FHIT: variants seen among roughly 807,000 people sequenced by gnomAD.
FHIT encodes the protein fragile histidine triad diadenosine triphosphatase.
FHIT carries 19 observed loss-of-function variants against 17.9 expected under a neutral mutation model. The observed-to-expected ratio is 1.06, with a 90% CI of 0.74 to 1.56. The LOEUF (loss-of-function observed/expected upper bound fraction) is 1.56. Ranked by LOEUF, FHIT falls within the 40% of genes most tolerant of loss-of-function variation. The pLI is 0.00. For missense variants in FHIT, 248 were observed against 189.2 expected, an observed-to-expected ratio of 1.31 and a Z score of -1.82; for synonymous variants, 81 against 69.7, an observed-to-expected ratio of 1.16 and a Z score of -0.81.
intron 2 of FHIT, among the ~76,000 whole-genome samples, chr3:61,177,837 T>A (rs1419473093): frequency 3.3e-5 from 5 of 152,208 alleles, no homozygotes; most frequent in Non-Finnish European, 5.9e-5. Flanking sequence ...ACACTACATT[T>A]TGTCAAAAAA....
At chr3:60,819,452 C>T (rs1701853331) in intron 4 of FHIT, among the ~76,000 whole-genome samples, 1 of 152,162 alleles carries the variant, frequency 6.6e-6, no homozygotes, top group Non-Finnish European at 1.5e-5. Flanking sequence ...TGGTACTTTG[C>T]CACGTTATTT....
chr3:60,392,730 G>A (rs1473587313), intron 5 of FHIT, among the ~76,000 whole-genome samples: 9 of 152,110 alleles, frequency 5.9e-5, no homozygotes, highest in East Asian at 3.9e-4. Context: ...GGTTTTACCC[G>A]CATGATCCTG....
At chr3:59,888,326 A>C (rs964430144) in intron 8 of FHIT, among the ~76,000 whole-genome samples, 1 of 152,180 alleles carries the variant, frequency 6.6e-6, no homozygotes, top group Non-Finnish European at 1.5e-5. Context: ...AAATACTCTA[A>C]ATTTTGTTCT....
intron 8 of FHIT, among the ~76,000 whole-genome samples, chr3:59,848,061 G>A (rs1332793011): frequency 5.3e-5 from 8 of 152,140 alleles, no homozygotes; most frequent in African/African-American, 1.9e-4. Context: ...ATTGAAAACG[G>A]CAATCAGTAA....
At chr3:60,064,850 T>G (rs1466266625) in intron 5 of FHIT, among the ~76,000 whole-genome samples, 2 of 152,216 alleles carry the variant, frequency 1.3e-5, no homozygotes, top group East Asian at 3.8e-4. Flanking sequence ...GCAAGTATTA[T>G]CTCATTTACT....
intron 5 of FHIT, among the ~76,000 whole-genome samples, chr3:60,358,802 T>A (rs561937033): frequency 6.6e-6 from 1 of 152,320 alleles, no homozygotes; most frequent in South Asian, 2.1e-4. Context: ...CTTCACTAGT[T>A]GTAGGTCTTT....
At chr3:59,844,157 A>G (rs1701631511) in intron 8 of FHIT, among the ~76,000 whole-genome samples, 1 of 152,136 alleles carries the variant, frequency 6.6e-6, no homozygotes, top group African/African-American at 2.4e-5. Flanking sequence ...AGAACTGTGA[A>G]CCAATTAAAC....
At chr3:59,753,138 G>C (rs1701012370) in intron 8 of FHIT, among the ~76,000 whole-genome samples, 1 of 151,944 alleles carries the variant, frequency 6.6e-6, no homozygotes, top group African/African-American at 2.4e-5. Flanking sequence ...CTTTGGTTTA[G>C]ACTCTCTTGC....
Position 60,472,470 on chromosome 3 carries a change from G to A in FHIT, c.103+64390C>T, listed in dbSNP as rs571785947. 3.3e-4 allele frequency among the ~76,000 whole-genome samples: 49 copies of A among 150,542 alleles called. No individual in the cohort carries two copies. In the South Asian group the frequency reaches 9.9e-3, roughly 30 times the overall value. On this transcript the variant is annotated intron_variant, in intron 5 of 9. Coordinates refer to ENST00000492590, the MANE Select transcript of FHIT (RefSeq NM_002012.4). ...TGCAAGCTCCACTTCCCAGGTTCAC[G>A]CCATTCTCCTGCCTCAGCCTACCGA...
chr3:60,087,002 C>T (rs1227337578), intron 5 of FHIT, among the ~76,000 whole-genome samples: 1 of 152,186 alleles, frequency 6.6e-6, no homozygotes, highest in Non-Finnish European at 1.5e-5. Flanking sequence ...TATGAGTCAT[C>T]TCTAAAATCC....
intron 7 of FHIT, among the ~76,000 whole-genome samples, chr3:59,948,503 C>T (rs528380804): frequency 1.3e-5 from 2 of 150,236 alleles, no homozygotes; most frequent in Admixed American, 6.6e-5. Context: ...GGCAACAGAG[C>T]GAGATTCTGT....
chr3:60,200,903 C>G (rs1040376997), intron 5 of FHIT, among the ~76,000 whole-genome samples: 1 of 152,134 alleles, frequency 6.6e-6, no homozygotes, highest in Non-Finnish European at 1.5e-5. Flanking sequence ...AACCACCCAT[C>G]CTTCTGTCCA....
intron 8 of FHIT, among the ~76,000 whole-genome samples, chr3:59,773,877 T>C (rs369395832): frequency 4.1e-4 from 62 of 152,302 alleles, no homozygotes; most frequent in African/African-American, 1.4e-3. Context: ...CTGAGAGGTA[T>C]TGCAGGTGTA....
intron 4 of FHIT, among the ~76,000 whole-genome samples, chr3:60,616,156 T>C (rs1351513520): frequency 6.6e-6 from 1 of 152,204 alleles, no homozygotes; most frequent in African/African-American, 2.4e-5. Flanking sequence ...CCAACATGTG[T>C]GTATATTTTA....
chr3:60,747,730 G>A (rs558738221), intron 4 of FHIT, among the ~76,000 whole-genome samples: 1 of 152,316 alleles, frequency 6.6e-6, no homozygotes, highest in South Asian at 2.1e-4. Flanking sequence ...CAAGTCCTGT[G>A]TTAGTTGTTT....
At chr3:61,239,454 G>A (rs962896685) in intron 1 of FHIT, among the ~76,000 whole-genome samples, 4 of 151,936 alleles carry the variant, frequency 2.6e-5, no homozygotes, top group South Asian at 2.1e-4. Flanking sequence ...TCTTCATATG[G>A]CCAGCTCCCT....
At chr3:60,970,210 C>A (rs1709944348) in intron 3 of FHIT, among the ~76,000 whole-genome samples, 1 of 152,178 alleles carries the variant, frequency 6.6e-6, no homozygotes, top group Non-Finnish European at 1.5e-5. Context: ...TTGTATATTT[C>A]TCTTTTTCAG....
intron 8 of FHIT, among the ~76,000 whole-genome samples, chr3:59,812,535 A>G (rs1700445026): frequency 6.6e-6 from 1 of 152,228 alleles, no homozygotes; most frequent in East Asian, 1.9e-4. Context: ...AACGATGCTT[A>G]TATTTAATGA....
At chr3:60,222,853 A>T (rs192985240) in intron 5 of FHIT, among the ~76,000 whole-genome samples, 3 of 152,160 alleles carry the variant, frequency 2.0e-5, no homozygotes, top group African/African-American at 7.2e-5. Flanking sequence ...GTGAGACAAG[A>T]TCGTACCACT....
Sources: gnomAD v4.1 joint callset for allele counts (sites outside exome capture counted in the v4.1 genomes callset) on GRCh38, gnomAD v4.1.1 for gene constraint, MANE v1.5 for transcripts, NCBI Gene and HGNC (gene_info 2026-07-23, HGNC 2026-07-21) for gene names.